The following HSF5 variants were observed in gnomAD, a reference collection of about 807,000 sequenced individuals.
The protein encoded by HSF5 is heat shock transcription factor 5, also known as heat shock factor protein 5.
Under a neutral mutation model 50.8 loss-of-function variants are expected in HSF5, and 5 were observed. The ratio of observed to expected loss-of-function variants is 0.10; its 90% CI spans 0.05 to 0.21. The LOEUF (loss-of-function observed/expected upper bound fraction) is 0.21, where lower values mean the gene tolerates loss of function less well. HSF5 is among the 10% of genes least tolerant of loss of function. The pLI is 1.00. For synonymous variants in HSF5, 307 were observed against 307.4 expected, an observed-to-expected ratio of 1.00 and a Z score of 0.02; for missense variants, 564 against 762.6, an observed-to-expected ratio of 0.74 and a Z score of 3.07.
At chr17:58,476,420 C>T (rs1264819968) in intron 2 of HSF5, 4 of 1,047,828 alleles carry the variant, frequency 3.8e-6, no homozygotes, top group Non-Finnish European at 6.0e-6. Flanking sequence ...TTCCTGCCGG[C>T]TTTATTCTGA....
intron 5 of HSF5, among the ~76,000 whole-genome samples, chr17:58,432,069 A>C (rs964041040): frequency 4.6e-5 from 7 of 152,172 alleles, no homozygotes; most frequent in African/African-American, 1.7e-4. Flanking sequence ...TTAAGATGGT[A>C]AATTTTATGA....
chr17:58,435,898 C>CAAA (rs11458311), intron 5 of HSF5, among the ~76,000 whole-genome samples: 9 of 60,146 alleles, frequency 1.5e-4, no homozygotes, highest in East Asian at 4.2e-4. Context: ...GACTCCATCT[C>CAAA]AAAAAAAAAA....
At chr17:58,463,389 G>A (rs1380788993) in intron 3 of HSF5, 86 bp from the exon 4 acceptor site, 2 of 1,042,150 alleles carry the variant, frequency 1.9e-6, no homozygotes, top group African/African-American at 1.6e-5. Context: ...GCTGATGAGT[G>A]CTAAACATAA....
intron 4 of HSF5, among the ~76,000 whole-genome samples, chr17:58,461,050 C>G (rs1974787470): frequency 6.6e-6 from 1 of 151,626 alleles, no homozygotes; most frequent in Non-Finnish European, 1.5e-5. Flanking sequence ...CCTGTCTCTA[C>G]TAAAAATACA....
chr17:58,437,552 T>C (rs1974442568), intron 5 of HSF5, among the ~76,000 whole-genome samples: 1 of 152,240 alleles, frequency 6.6e-6, no homozygotes, highest in South Asian at 2.1e-4. Context: ...ACATTCTATC[T>C]TCTGAGAGAT....
At chr17:58,480,311 T>G (rs1180604941) in intron 1 of HSF5, 44 bp from the exon 2 acceptor site, 1 of 1,542,492 alleles carries the variant, frequency 6.5e-7, no homozygotes, top group East Asian at 2.3e-5. Flanking sequence ...TTGCATTACA[T>G]CACCAGACAT....
At chr17:58,459,014 T>C in intron 4 of HSF5, 69 bp from the exon 5 acceptor site, 1 of 1,358,838 alleles carries the variant, frequency 7.4e-7, no homozygotes, top group Non-Finnish European at 1.0e-6. Context: ...AGATATTTTA[T>C]CAGAGGAGTT....
In HSF5 at chr17:58,433,911, A is replaced by ATTTTTT. The variant is rs59043902; in HGVS notation, c.1721-11487_1721-11482dup. Among the ~76,000 whole-genome samples the ATTTTTT allele has an allele frequency of 4.4e-4, 48 of 109,338 alleles. 12 individuals are homozygous for ATTTTTT. The highest frequency in any genetic ancestry group is 3.6e-4 in the African/African-American group (10 of 27,786). 71.7% of individuals were successfully genotyped at this position (109,338 alleles called of 152,430 possible). ...GAGGTATGAAGGAAAGGTCAAAGGG[A>ATTTTTT]TTTTTTTTTTTTTTTTTTTTAGATG... On this transcript the variant is annotated intron_variant, in intron 5 of 5. Transcript: ENST00000323777.
intron 5 of HSF5, among the ~76,000 whole-genome samples, chr17:58,441,368 C>T (rs1483501282): frequency 3.3e-5 from 5 of 152,036 alleles, no homozygotes; most frequent in Non-Finnish European, 4.4e-5. Context: ...GCAGCTGAAG[C>T]GATGTTTAAA....
chr17:58,436,475 G>GA (rs1321192366), intron 5 of HSF5, among the ~76,000 whole-genome samples: 1 of 151,326 alleles, frequency 6.6e-6, no homozygotes, highest in Non-Finnish European at 1.5e-5. Flanking sequence ...TTCACAGCAG[G>GA]AAGCCAACAT....
chr17:58,478,486 A>AAAAAGAAAAG (rs1191467440), intron 2 of HSF5, among the ~76,000 whole-genome samples: 1 of 146,798 alleles, frequency 6.8e-6, no homozygotes, highest in Non-Finnish European at 1.5e-5. Context: ...AAAAAAAAAA[A>AAAAAGAAAAG]AAAAGAAAAG....
At position 58,487,666 on chromosome 17, in the gene HSF5, G is replaced by A. The variant is rs1598206372; in HGVS notation, c.550+59C>T. ...TGCGAAAATGCGCCCTCCAGCGGCGGTTGCTCCCCGCCGCCCATGTGCCCA... is the reference window on the plus strand; with the variant it reads ...TGCGAAAATGCGCCCTCCAGCGGCGATTGCTCCCCGCCGCCCATGTGCCCA... On this transcript the variant is annotated intron_variant, in intron 1 of 5. Transcript: ENST00000323777. 3.7e-6 allele frequency: 5 copies of A among 1,353,706 alleles called. No individual in the cohort carries two copies. The South Asian group carries it at 1.1e-4, about 29-fold the overall frequency. 83.9% of individuals were successfully genotyped at this position (1,353,706 alleles called of 1,614,324 possible).
At chr17:58,431,778 T>C (rs1326013126) in intron 5 of HSF5, among the ~76,000 whole-genome samples, 1 of 152,160 alleles carries the variant, frequency 6.6e-6, no homozygotes, top group Admixed American at 6.5e-5. Flanking sequence ...AGGCATTCAG[T>C]AAGTACTTGC....
chr17:58,442,882 C>T (rs1974516462), intron 5 of HSF5, among the ~76,000 whole-genome samples: 1 of 151,666 alleles, frequency 6.6e-6, no homozygotes, highest in East Asian at 1.9e-4. Flanking sequence ...GGACTACAGG[C>T]ATGCAGCACC....
At chr17:58,449,493 A>G (rs536904073) in intron 5 of HSF5, among the ~76,000 whole-genome samples, 1 of 152,232 alleles carries the variant, frequency 6.6e-6, no homozygotes, top group East Asian at 1.9e-4. Context: ...AGAGGTCAGG[A>G]GTCCAAGACA....
intron 5 of HSF5, among the ~76,000 whole-genome samples, chr17:58,445,238 A>T (rs908597041): frequency 1.3e-5 from 2 of 152,244 alleles, no homozygotes; most frequent in Non-Finnish European, 2.9e-5. Flanking sequence ...TAACCATATG[A>T]TCCAGCAATC....
intron 1 of HSF5, among the ~76,000 whole-genome samples, chr17:58,486,006 T>C (rs987136827): frequency 1.3e-5 from 2 of 151,742 alleles, no homozygotes; most frequent in Non-Finnish European, 2.9e-5. Context: ...GAGGCAGAGG[T>C]TGCAGTGAGC....
chr17:58,432,799 A>G (rs1397287284), intron 5 of HSF5, among the ~76,000 whole-genome samples: 1 of 152,204 alleles, frequency 6.6e-6, no homozygotes, highest in Non-Finnish European at 1.5e-5. Context: ...GAAAAACCTT[A>G]AGAAGCTACT....
At chr17:58,435,734 C>A (rs2143738463) in intron 5 of HSF5, among the ~76,000 whole-genome samples, 1 of 151,662 alleles carries the variant, frequency 6.6e-6, no homozygotes, top group Middle Eastern at 3.4e-3. Context: ...CCCATCTCTA[C>A]TAAATATACA....
Sources: gnomAD v4.1 joint callset for allele counts (sites outside exome capture counted in the v4.1 genomes callset) on GRCh38, gnomAD v4.1.1 for gene constraint, MANE v1.5 for transcripts, NCBI Gene and HGNC (gene_info 2026-07-23, HGNC 2026-07-21) for gene names.